LMBR1: variants seen among roughly 807,000 people sequenced by gnomAD.
LMBR1 encodes the protein limb development membrane protein 1.
LMBR1 carries 52 observed loss-of-function variants against 73.9 expected under a neutral mutation model. That is an observed-to-expected ratio of 0.70 (90% CI 0.56 to 0.89). The LOEUF is 0.89. Among genes scored for constraint, LMBR1 ranks in the 40% least tolerant of loss-of-function variants. The pLI is 0.00. For synonymous variants in LMBR1, 215 were observed against 209.4 expected, an observed-to-expected ratio of 1.03 and a Z score of -0.23; for missense variants, 539 against 579.8, an observed-to-expected ratio of 0.93 and a Z score of 0.72.
intron 3 of LMBR1, among the ~76,000 whole-genome samples, chr7:156,829,868 A>T (rs1015783629): frequency 6.6e-6 from 1 of 152,196 alleles, no homozygotes; most frequent in Non-Finnish European, 1.5e-5. Flanking sequence ...TTCACCGGTT[A>T]GTCATCCTCC....
rs1343552918 is a variant in LMBR1, at chr7:156,678,942, A to C, written c.*5136T>G. 1 of 152,238 alleles carries C rather than the reference A, an allele frequency of 6.6e-6. No homozygotes were observed. The highest frequency in any genetic ancestry group is 1.5e-5 in the Non-Finnish European group (1 of 68,044). The allele number at this position is 152,238 out of a possible 1,614,324, so 9.4% of individuals were successfully genotyped here. A position where few individuals can be genotyped will look rare whatever the true frequency, so the allele number is the denominator to read the frequency against. ...GTGGGACTGGAGGCATTTGATAAGA[A>C]TAAAGGTTATAATCTAGAATGAGGA... On this transcript the variant is annotated 3_prime_UTR_variant, in exon 17 of 17. Transcript: ENST00000353442.
intron 2 of LMBR1, among the ~76,000 whole-genome samples, chr7:156,836,400 A>G (rs978807252): frequency 6.6e-6 from 1 of 152,218 alleles, no homozygotes; most frequent in African/African-American, 2.4e-5. Context: ...ACAAGATGCT[A>G]GTAATTGGAT....
intron 9 of LMBR1, among the ~76,000 whole-genome samples, chr7:156,754,896 T>C (rs1308234131): frequency 6.6e-6 from 1 of 152,216 alleles, no homozygotes; most frequent in East Asian, 1.9e-4. Context: ...ATAAATCATT[T>C]AGCTCTTTAT....
intron 15 of LMBR1, among the ~76,000 whole-genome samples, chr7:156,718,544 C>T (rs961129576): frequency 1.3e-5 from 2 of 152,086 alleles, no homozygotes; most frequent in East Asian, 1.9e-4. Context: ...GGCAACATGG[C>T]AAAACCCCGT....
intron 5 of LMBR1, 125 bp downstream of exon 5, chr7:156,796,264 A>C (rs1830044464): frequency 7.8e-6 from 5 of 637,320 alleles, no homozygotes; most frequent in Non-Finnish European, 1.4e-5. Context: ...ATGTGTTATC[A>C]ATATTATTTA....
rs568800161 is a variant in LMBR1 at position 156,669,631 on chromosome 7, G to A, written n.867-344C>T. 3.9e-5 allele frequency among the ~76,000 whole-genome samples: 6 copies of A among 152,300 alleles called. No individual in the cohort carries two copies. In the South Asian group the frequency reaches 1.2e-3, roughly 32 times the overall value. ...GTCATTTTCAAGAGGGCGACCCACA[G>A]CCACGTGAACACTGGAAACTGCCCT... On this transcript the variant is annotated intron_variant and non_coding_transcript_variant, in intron 4 of 4. Transcript: ENST00000430825. The surrounding 1 kb of genome is among the most constrained non-coding windows in gnomAD (Gnocchi z 4.2).
chr7:156,697,374 C>G (rs6978129), intron 15 of LMBR1, among the ~76,000 whole-genome samples: 7,262 of 152,190 alleles, frequency 0.048, 596 homozygotes, highest in African/African-American at 0.17. Flanking sequence ...CAACAGAAAA[C>G]AGGGTTCGAG....
At chr7:156,798,046 G>T (rs897025228) in intron 4 of LMBR1, among the ~76,000 whole-genome samples, 2 of 151,882 alleles carry the variant, frequency 1.3e-5, no homozygotes, top group Non-Finnish European at 2.9e-5. Flanking sequence ...GTTTTATTGT[G>T]CTAATTACTG....
At chr7:156,807,792 C>T (rs568472932) in intron 4 of LMBR1, among the ~76,000 whole-genome samples, 4 of 152,212 alleles carry the variant, frequency 2.6e-5, no homozygotes, top group East Asian at 1.9e-4. Flanking sequence ...AGACACATCC[C>T]GCAAATATTA....
intron 15 of LMBR1, among the ~76,000 whole-genome samples, chr7:156,721,420 A>G (rs1314591250): frequency 6.6e-6 from 1 of 152,064 alleles, no homozygotes; most frequent in Non-Finnish European, 1.5e-5. Flanking sequence ...CATTCAAAAT[A>G]TTTTATTGCA....
intron 16 of LMBR1, 127 bp downstream of exon 16, chr7:156,687,903 G>T: frequency 1.2e-6 from 1 of 810,654 alleles, no homozygotes; most frequent in Non-Finnish European, 1.9e-6. Context: ...CAAAGTAGGG[G>T]ATCAATAATT....
At chr7:156,859,153 CAGG>C (rs955153382) in intron 1 of LMBR1, among the ~76,000 whole-genome samples, 1 of 151,414 alleles carries the variant, frequency 6.6e-6, no homozygotes, top group African/African-American at 2.4e-5. Flanking sequence ...CTCACTAAGG[CAGG>C]AGAATTGCTT....
rs567435618 is a variant in LMBR1, at chr7:156,803,458, T to G, written c.320-6966A>C. Among the ~76,000 whole-genome samples, 791 of 152,178 alleles carry G rather than the reference T, an allele frequency of 5.2e-3. 2 individuals are homozygous for G. Among genetic ancestry groups the G allele is most frequent in the Non-Finnish European group, 9.5e-3 (649 of 67,982 alleles). ...AAATCAAAACCACAATGAGACACCA[T>G]CTCACACCAGTTAGAATGGCGATCA... On this transcript the variant is annotated intron_variant, in intron 4 of 16. Coordinates refer to ENST00000353442, the MANE Select transcript of LMBR1 (RefSeq NM_022458.4).
At chr7:156,703,692 T>G (rs1810290843) in intron 15 of LMBR1, among the ~76,000 whole-genome samples, 1 of 152,072 alleles carries the variant, frequency 6.6e-6, no homozygotes, top group Non-Finnish European at 1.5e-5. Context: ...GGGGGCTGCC[T>G]CACTACCCTT....
At chr7:156,852,823 T>C (rs1796419047) in intron 1 of LMBR1, among the ~76,000 whole-genome samples, 1 of 152,324 alleles carries the variant, frequency 6.6e-6, no homozygotes. Flanking sequence ...CTGTCCAGAA[T>C]GTCAACAGTG....
At chr7:156,731,147 A>G (rs1816762094) in intron 10 of LMBR1, among the ~76,000 whole-genome samples, 1 of 152,336 alleles carries the variant, frequency 6.6e-6, no homozygotes, top group South Asian at 2.1e-4. Flanking sequence ...TAATGTAACT[A>G]AAGTGAAGAA....
chr7:156,891,751 G>A (rs1257031710), intron 1 of LMBR1, among the ~76,000 whole-genome samples: 1 of 152,172 alleles, frequency 6.6e-6, no homozygotes, highest in Non-Finnish European at 1.5e-5. Context: ...ATGATTACAT[G>A]AACTTATCTC....
At chr7:156,742,680 C>T (rs1378595989) in intron 9 of LMBR1, among the ~76,000 whole-genome samples, 6 of 152,048 alleles carry the variant, frequency 3.9e-5, no homozygotes, top group African/African-American at 1.4e-4. Context: ...GTCTACCAAA[C>T]ATTTAAAAAA....
At chr7:156,672,969 C>G (rs1802909537), downstream of LMBR1, among the ~76,000 whole-genome samples, 1 of 152,244 alleles carries the variant, frequency 6.6e-6, no homozygotes, top group African/African-American at 2.4e-5. Context: ...GCAGGGCTCA[C>G]CCCGCGGACT....
Sources: gnomAD v4.1 joint callset for allele counts (sites outside exome capture counted in the v4.1 genomes callset) on GRCh38, gnomAD v4.1.1 for gene constraint, Gnocchi (gnomAD v3.1) non-coding constraint, MANE v1.5 for transcripts, NCBI Gene and HGNC (gene_info 2026-07-23, HGNC 2026-07-21) for gene names.